Variants in LPIN2 observed in about 807,000 individuals in gnomAD.
LPIN2 encodes phosphatidate phosphatase LPIN2.
In LPIN2, 55 loss-of-function variants were observed where a neutral mutation model predicts 111.4. That is an observed-to-expected ratio of 0.49 (90% CI 0.40 to 0.62). LPIN2 has a LOEUF of 0.62. Ranked by LOEUF, LPIN2 falls within the 20% of genes least tolerant of loss-of-function variation. The pLI, the probability that LPIN2 is intolerant of heterozygous loss-of-function variation, is 0.00. For synonymous variants in LPIN2, 425 were observed against 414.0 expected (o/e 1.03, Z -0.32); for missense variants, 992 against 1,112.1 (o/e 0.89, Z 1.54).
chr18:2,971,954 C>T (rs777237579), intron 1 of LPIN2, among the ~76,000 whole-genome samples: 5 of 151,808 alleles, frequency 3.3e-5, no homozygotes, highest in Non-Finnish European at 7.4e-5. Flanking sequence ...GGCCGAGACA[C>T]GAGAATCGCT....
chr18:2,921,392 C>A (rs928732395), intron 18 of LPIN2, 141 bp downstream of exon 18: 9 of 720,642 alleles, frequency 1.2e-5, no homozygotes, highest in Admixed American at 8.1e-5. Context: ...TGGAATAGAT[C>A]AAGTGAAAAC....
chr18:2,940,541 A>G lies in LPIN2; in HGVS notation c.698+64T>C, dbSNP rs548256520. ...GGAAATATCATTACTACAGATTAAC[A>G]GAAAAGCTAATTAATACATCTCCTT... is the stretch of plus-strand genomic sequence containing the variant. On this transcript the variant is annotated intron_variant, in intron 5 of 19. Transcript: ENST00000677752. 815 of 960,828 alleles carry G rather than the reference A, an allele frequency of 8.5e-4. 21 individuals carry two copies. The South Asian group carries it at 0.01, about 12-fold the overall frequency. The allele number at this position is 960,828 out of a possible 1,614,324, so 59.5% of individuals were successfully genotyped here.
At chr18:3,008,176 T>C (rs978773764) in intron 1 of LPIN2, among the ~76,000 whole-genome samples, 3 of 152,228 alleles carry the variant, frequency 2.0e-5, no homozygotes, top group African/African-American at 7.2e-5. Context: ...GCACAGTGGC[T>C]CACACCTGTA....
In LPIN2 at chr18:2,919,913, C is replaced by A; in HGVS notation, c.*380G>T. On this transcript the variant is annotated 3_prime_UTR_variant, in exon 20 of 20. Coordinates refer to ENST00000677752, the MANE Select transcript of LPIN2 (RefSeq NM_001375808.2). ...GCCCTGGTTACAGAAGCCACCTCAA[C>A]TGCCCAGTGGAAACTGGAACACTTC... The A allele has an allele frequency of 9.3e-6, 3 of 321,992 alleles. No homozygotes were observed. Among genetic ancestry groups the A allele is most frequent in the Non-Finnish European group, 1.8e-5 (3 of 164,050 alleles). 19.9% of individuals were successfully genotyped at this position (321,992 alleles called of 1,614,324 possible).
intron 1 of LPIN2, among the ~76,000 whole-genome samples, chr18:2,967,195 A>T (rs1055168128): frequency 6.6e-6 from 1 of 152,164 alleles, no homozygotes; most frequent in South Asian, 2.1e-4. Flanking sequence ...TATTCACTAG[A>T]ACCCAGTTCT....
chr18:2,976,865 T>C (rs866762738), intron 1 of LPIN2, among the ~76,000 whole-genome samples: 11 of 152,174 alleles, frequency 7.2e-5, no homozygotes, highest in Admixed American at 2.0e-4. Flanking sequence ...AGCCTTTGGA[T>C]CCACAGATAT....
intron 1 of LPIN2, among the ~76,000 whole-genome samples, chr18:2,961,079 G>A (rs1209543376): frequency 6.6e-6 from 1 of 151,938 alleles, no homozygotes; most frequent in Admixed American, 6.6e-5. Flanking sequence ...GCTCCAGCCA[G>A]GGCCTGAGGC....
Position 2,920,133 on chromosome 18 carries a change from A to G in LPIN2, c.*160T>C. The G allele has an allele frequency of 1.1e-6, 1 of 924,798 alleles. No homozygotes were observed. Among genetic ancestry groups the G allele is most frequent in the Non-Finnish European group, 1.7e-6 (1 of 597,576 alleles). The allele number at this position is 924,798 out of a possible 1,614,324, so 57.3% of individuals were successfully genotyped here. Reference sequence around the variant, plus strand: ...CTGAGCTGCAGACCTGCCGAGCCTGAGCAGCTGGCCTGGGAAGGCAAAGGA... The same window carrying G: ...CTGAGCTGCAGACCTGCCGAGCCTGGGCAGCTGGCCTGGGAAGGCAAAGGA... On this transcript the variant is annotated 3_prime_UTR_variant, in exon 20 of 20. Coordinates refer to ENST00000677752, the MANE Select transcript of LPIN2 (RefSeq NM_001375808.2).
chr18:2,979,938 A>G (rs2078080722), intron 1 of LPIN2, among the ~76,000 whole-genome samples: 1 of 152,210 alleles, frequency 6.6e-6, no homozygotes, highest in South Asian at 2.1e-4. Context: ...CTGTAGGTTT[A>G]CTAGAATCCT....
intron 1 of LPIN2, among the ~76,000 whole-genome samples, chr18:2,984,243 T>A (rs1344217462): frequency 1.3e-5 from 2 of 152,216 alleles, no homozygotes. Flanking sequence ...GCATGCAGCA[T>A]GTTTTCCTGC....
chr18:2,986,656 T>A (rs1027111437), intron 1 of LPIN2, among the ~76,000 whole-genome samples: 2 of 151,780 alleles, frequency 1.3e-5, no homozygotes, highest in Non-Finnish European at 2.9e-5. Flanking sequence ...AGTGTACACA[T>A]CGCAGTTTAA....
chr18:2,971,327 A>G (rs750579137), intron 1 of LPIN2, among the ~76,000 whole-genome samples: 24 of 152,232 alleles, frequency 1.6e-4, no homozygotes, highest in Non-Finnish European at 3.4e-4. Flanking sequence ...ACAAAGGCAA[A>G]GATCAAAAAG....
At chr18:2,998,445 T>C (rs1478826915) in intron 1 of LPIN2, among the ~76,000 whole-genome samples, 2 of 152,184 alleles carry the variant, frequency 1.3e-5, no homozygotes, top group Non-Finnish European at 2.9e-5. Flanking sequence ...GTCTATTCTA[T>C]TCTGAGAGCT....
At chr18:2,991,160 T>A (rs988594054) in intron 1 of LPIN2, 2 of 310,656 alleles carry the variant, frequency 6.4e-6, no homozygotes, top group Admixed American at 7.6e-5. Context: ...GCTGTGACTC[T>A]GGGTGTTTTC....
chr18:2,936,998 CTAAGA>C (rs1278456833), intron 7 of LPIN2, among the ~76,000 whole-genome samples: 1 of 152,188 alleles, frequency 6.6e-6, no homozygotes. Flanking sequence ...TTAGCCTCAG[CTAAGA>C]TGTTTCAAGT....
chr18:2,945,359 A>G (rs952894275), intron 4 of LPIN2, among the ~76,000 whole-genome samples: 3 of 152,238 alleles, frequency 2.0e-5, no homozygotes, highest in African/African-American at 4.8e-5. Context: ...TCAATCTTAC[A>G]TAACACGAAA....
intron 5 of LPIN2, among the ~76,000 whole-genome samples, chr18:2,940,097 G>A (rs61644398): frequency 0.015 from 2,298 of 152,294 alleles, 56 homozygotes; most frequent in African/African-American, 0.052. Context: ...AGGCCAAGGC[G>A]AGAGGATCAC....
chr18:2,968,963 G>T (rs1266073164), intron 1 of LPIN2, among the ~76,000 whole-genome samples: 1 of 152,158 alleles, frequency 6.6e-6, no homozygotes, highest in Non-Finnish European at 1.5e-5. Flanking sequence ...ACACACACAG[G>T]GAGCTGAGAA....
chr18:2,924,081 C>T (rs1240272099), intron 15 of LPIN2, among the ~76,000 whole-genome samples: 1 of 152,146 alleles, frequency 6.6e-6, no homozygotes, highest in Non-Finnish European at 1.5e-5. Context: ...TGTGTGTGTT[C>T]GGAGGTAACT....
Sources: gnomAD v4.1 joint callset for allele counts (sites outside exome capture counted in the v4.1 genomes callset) on GRCh38, gnomAD v4.1.1 for gene constraint, MANE v1.5 for transcripts, NCBI Gene and HGNC (gene_info 2026-07-23, HGNC 2026-07-21) for gene names.